Variants in CCDC57 observed in about 807,000 individuals in gnomAD.
CCDC57 encodes the protein coiled-coil domain-containing protein 57.
In CCDC57, 118 loss-of-function variants were observed where a neutral mutation model predicts 118.9. The observed-to-expected ratio is 0.99, with a 90% confidence interval of 0.86 to 1.16. The LOEUF (loss-of-function observed/expected upper bound fraction) is 1.16. Ranked by LOEUF, CCDC57 falls within the 50% of genes most tolerant of loss-of-function variation. The probability of loss-of-function intolerance (pLI) is 0.00; values close to 1 mark genes in which losing one functional copy is unlikely to be tolerated. For missense variants in CCDC57, 1,300 were observed against 1,320.7 expected, an observed-to-expected ratio of 0.98 and a Z score of 0.24; for synonymous variants, 527 against 532.9, an observed-to-expected ratio of 0.99 and a Z score of 0.15.
At chr17:82,119,676 A>C (rs2036404750) in intron 19 of CCDC57, among the ~76,000 whole-genome samples, 1 of 151,824 alleles carries the variant, frequency 6.6e-6, no homozygotes, top group African/African-American at 2.4e-5. Flanking sequence ...TGGGGTACCC[A>C]CAGGTGCACA....
chr17:82,189,600 A>G (rs2047398250), intron 7 of CCDC57, among the ~76,000 whole-genome samples: 1 of 152,154 alleles, frequency 6.6e-6, no homozygotes, highest in Admixed American at 6.5e-5. Context: ...CTGTAATCCC[A>G]GCACTTTAGG....
intron 19 of CCDC57, among the ~76,000 whole-genome samples, chr17:82,114,467 G>A (rs1182910843): frequency 1.3e-5 from 2 of 152,334 alleles, no homozygotes; most frequent in South Asian, 2.1e-4. Context: ...CCACTCTGGC[G>A]TTCTACCATC....
intron 10 of CCDC57, among the ~76,000 whole-genome samples, 188 bp downstream of exon 9, chr17:82,178,839 G>A (rs2045850394): frequency 1.3e-5 from 2 of 152,206 alleles, no homozygotes; most frequent in Non-Finnish European, 2.9e-5. Flanking sequence ...AACAGCTTAT[G>A]CAAGAAAGTC....
intron 17 of CCDC57, among the ~76,000 whole-genome samples, chr17:82,132,069 A>C (rs1027889206): frequency 6.7e-6 from 1 of 148,912 alleles, no homozygotes; most frequent in Non-Finnish European, 1.5e-5. Flanking sequence ...AGTGAGCCCA[A>C]ATTACGCCAC....
At chr17:82,107,574 AGGATGGGC>A in intron 19 of CCDC57, 1 of 470,928 alleles carries the variant, frequency 2.1e-6, no homozygotes, top group East Asian at 7.0e-5. Context: ...GCACACTGTG[AGGATGGGC>A]GGATGGAGTT....
At chr17:82,182,283 A>AC (rs1333915536) in intron 9 of CCDC57, among the ~76,000 whole-genome samples, 1 of 147,624 alleles carries the variant, frequency 6.8e-6, no homozygotes. Context: ...GTATTTAACA[A>AC]AAAAAAAAAA....
intron 16 of CCDC57, among the ~76,000 whole-genome samples, chr17:82,139,129 A>G (rs1240935870): frequency 6.6e-6 from 1 of 152,240 alleles, no homozygotes; most frequent in Non-Finnish European, 1.5e-5. Flanking sequence ...ATCCAGTTTT[A>G]GAAATCAGAT....
At chr17:82,108,437 C>A (rs1414216473) in intron 19 of CCDC57, among the ~76,000 whole-genome samples, 2 of 152,202 alleles carry the variant, frequency 1.3e-5, no homozygotes, top group African/African-American at 2.4e-5. Context: ...GCAGGGTCCG[C>A]CGAAAGCCTA....
intron 3 of CCDC57, among the ~76,000 whole-genome samples, chr17:82,201,153 C>G (rs2048947126): frequency 6.6e-6 from 1 of 152,186 alleles, no homozygotes. Context: ...TGTCGACTTG[C>G]CTTAAGTCAG....
chr17:82,157,941 C>T lies in CCDC57; in HGVS notation c.2048G>A (p.Arg683Gln), dbSNP rs369494382. 91 of 1,554,056 alleles carry T rather than the reference C, an allele frequency of 5.9e-5. No individual in the cohort carries two copies. The African/African-American group carries it at 1.1e-3, about 19-fold the overall frequency. The stretch of plus-strand genomic sequence containing the variant: ...GAGAGCGGCCGGCTCCAGGGGTTCC[C>T]GCAGCACCTAGGGGTCATTTCAAAG... Residue 683 changes from arginine (R) to glutamine (Q), a missense_variant, in exon 15 of 20, where the codon CGG becomes CAG. Transcript: ENST00000665763.
rs537594050 is a variant in CCDC57 at position 82,122,817 on chromosome 17, C to T, written c.2899+4875G>A. Among the ~76,000 whole-genome samples, 12 of 152,372 alleles carry T rather than the reference C, an allele frequency of 7.9e-5. No homozygotes were observed. The South Asian group carries it at 1.0e-3, about 13-fold the overall frequency. ...AGTCATCCCATTTCCCACTGCCTACCGGCAGGCTTTACATGACAGCTTGTG... is the reference window on the plus strand; with the variant it reads ...AGTCATCCCATTTCCCACTGCCTACTGGCAGGCTTTACATGACAGCTTGTG... On this transcript the variant is annotated intron_variant, in intron 19 of 19. Transcript: ENST00000665763.
At chr17:82,204,510 G>A (rs540770376) in intron 2 of CCDC57, among the ~76,000 whole-genome samples, 81 of 152,316 alleles carry the variant, frequency 5.3e-4, no homozygotes, top group African/African-American at 1.6e-3. Context: ...AGGGCCGGGC[G>A]CAGTGGCTCA....
intron 19 of CCDC57, chr17:82,127,177 C>A: frequency 1.0e-6 from 1 of 985,424 alleles, no homozygotes; most frequent in Non-Finnish European, 1.2e-6. Context: ...GCAACGTCCG[C>A]GCAGCAAAGC....
At chr17:82,122,140 T>C (rs970835939) in intron 19 of CCDC57, among the ~76,000 whole-genome samples, 1 of 152,094 alleles carries the variant, frequency 6.6e-6, no homozygotes, top group African/African-American at 2.4e-5. Context: ...CAACCCACTT[T>C]CTCAAGCCTC....
intron 7 of CCDC57, 87 bp downstream of exon 6, chr17:82,193,668 TC>T (rs1351386099): frequency 8.3e-7 from 1 of 1,200,946 alleles, no homozygotes; most frequent in African/African-American, 1.5e-5. Context: ...GACCCTCTGC[TC>T]CCTGGGCCAT....
intron 19 of CCDC57, among the ~76,000 whole-genome samples, chr17:82,109,858 A>G (rs1256261677): frequency 6.6e-6 from 1 of 152,036 alleles, no homozygotes; most frequent in South Asian, 2.1e-4. Context: ...CTCTGTCTCA[A>G]AAAAATAAAA....
Position 82,172,800 on chromosome 17 carries a change from G to A in CCDC57, c.1567C>T (p.Arg523Trp), listed in dbSNP as rs750554775. The A allele has an allele frequency of 1.5e-5, 25 of 1,613,338 alleles. No homozygotes were observed. In the South Asian group the frequency reaches 2.1e-4, roughly 13 times the overall value. The change falls in exon 12 of 20, where the codon CGG becomes TGG. Residue 523 changes from arginine (R) to tryptophan (W), a missense_variant. Physicochemically the swap from Arg to Trp is moderately radical, Grantham distance 101 (BLOSUM62 -3). Transcript: ENST00000665763. This position sits in a 1 kb window ranked among gnomAD's most constrained non-coding sequence, Gnocchi z 5.2. ...AAGCTCGTGTTCTGCTCTCGGAGCC[G>A]CTGGATCTCACTGGATGGAAAGTCT... is the stretch of plus-strand genomic sequence containing the variant.
chr17:82,196,829 C>A (rs1599395781), intron 4 of CCDC57, among the ~76,000 whole-genome samples: 2 of 150,242 alleles, frequency 1.3e-5, no homozygotes, highest in Non-Finnish European at 1.5e-5. Context: ...ATGACTCCTG[C>A]ACCTGCAGAG....
intron 7 of CCDC57, 82 bp downstream of exon 6, chr17:82,193,674 G>C: frequency 1.6e-6 from 2 of 1,271,504 alleles, no homozygotes; most frequent in Non-Finnish European, 1.1e-6. Flanking sequence ...CTGCTCCCTG[G>C]GCCATCAGCA....
Sources: allele counts gnomAD v4.1 joint callset (sites outside exome capture counted in the v4.1 genomes callset), GRCh38; gene constraint gnomAD v4.1.1; non-coding constraint Gnocchi (gnomAD v3.1); transcripts MANE v1.5; gene names NCBI Gene and HGNC (gene_info 2026-07-23, HGNC 2026-07-21).